The following LRP1B variants were observed in gnomAD, a reference collection of about 807,000 sequenced individuals.
LRP1B encodes low-density lipoprotein receptor-related protein 1B.
In LRP1B, 217 loss-of-function variants were observed where a neutral mutation model predicts 556.6. The ratio of observed to expected loss-of-function variants is 0.39; its 90% confidence interval spans 0.35 to 0.44. The LOEUF is 0.44. Among genes scored for constraint, LRP1B ranks in the 20% least tolerant of loss-of-function variants. The pLI, the probability that LRP1B is intolerant of heterozygous loss-of-function variation, is 1.00. For missense variants in LRP1B, 5,053 were observed against 5,620.8 expected (o/e 0.90, Z 3.23); for synonymous variants, 2,047 against 1,865.8 (o/e 1.10, Z -2.50).
chr2:140,629,586 A>G (rs1683805229), intron 41 of LRP1B, among the ~76,000 whole-genome samples: 2 of 152,234 alleles, frequency 1.3e-5, no homozygotes, highest in African/African-American at 2.4e-5. Flanking sequence ...TGGCAAATTC[A>G]TAAAATGGAA....
intron 62 of LRP1B, among the ~76,000 whole-genome samples, chr2:140,453,291 G>C (rs1202103893): frequency 6.6e-6 from 1 of 151,770 alleles, no homozygotes; most frequent in Non-Finnish European, 1.5e-5. Context: ...TTGAGTTAAG[G>C]GAGGCCAGGG....
chr2:140,767,835 T>C (rs1345067866), intron 35 of LRP1B, among the ~76,000 whole-genome samples: 1 of 151,886 alleles, frequency 6.6e-6, no homozygotes, highest in Non-Finnish European at 1.5e-5. Flanking sequence ...CAAAGGACTA[T>C]GTACCTAGTA....
At chr2:141,392,359 C>A (rs1390775732) in intron 3 of LRP1B, among the ~76,000 whole-genome samples, 1 of 149,862 alleles carries the variant, frequency 6.7e-6, no homozygotes, top group Non-Finnish European at 1.5e-5. Context: ...TTGTTGGAAC[C>A]CATGGAACAG....
intron 66 of LRP1B, among the ~76,000 whole-genome samples, chr2:140,393,519 G>T (rs1311325602): frequency 6.6e-6 from 1 of 151,518 alleles, no homozygotes; most frequent in Non-Finnish European, 1.5e-5. Context: ...TGTAATTTGG[G>T]GATTAAGAGA....
Position 140,503,025 on chromosome 2 carries a change from C to T in LRP1B, c.8600G>A (p.Gly2867Glu), listed in dbSNP as rs1320256554. Residue 2867 changes from glycine (G) to glutamate (E), a missense_variant, in exon 54 of 91, where the codon GGA (glycine) becomes GAA (glutamate). Physicochemically the swap from Gly to Glu is moderately conservative, Grantham distance 98. Transcript: ENST00000389484. ...CLLNTQWQCD[G>E]DFDCPDHSDE... ...AGAATGGTCAGGACAGTCAAAGTCT[C>T]CATCACACTGCCATTGAGTATTTAG... is the stretch of plus-strand genomic sequence containing the variant. 1 of 1,613,360 alleles carries T rather than the reference C, an allele frequency of 6.2e-7. No individual in the cohort carries two copies. The highest frequency in any genetic ancestry group is 8.5e-7 in the Non-Finnish European group (1 of 1,179,426).
chr2:141,646,184 T>C (rs1453564246), intron 2 of LRP1B, among the ~76,000 whole-genome samples: 4 of 152,156 alleles, frequency 2.6e-5, no homozygotes, highest in Non-Finnish European at 5.9e-5. Context: ...AACAGTTACA[T>C]CTTAGCTTTT....
Position 140,716,075 on chromosome 2 carries a change from A to G in LRP1B, c.5921T>C (p.Phe1974Ser), listed in dbSNP as rs143296180. Residue 1974 changes from phenylalanine to serine, a missense_variant, in exon 37 of 91, where the codon TTC (phenylalanine) becomes TCC (serine). By Grantham distance (155) the Phe-to-Ser change is radical. Around this residue, in one of 5 missense-constraint regions of LRP1B, gnomAD observed 3,619 missense variants for 3,931.9 expected, o/e 0.92. Transcript: ENST00000389484. ...AGNIYWTDHGFNLIEVARLNG... is the reference protein window; with the variant it reads ...AGNIYWTDHGSNLIEVARLNG... Reference sequence around the variant, plus strand: ...GAGTCTTGCAACTTCAATTAAGTTGAAACCATGATCTGTCCAATATATGTT... The same window carrying G: ...GAGTCTTGCAACTTCAATTAAGTTGGAACCATGATCTGTCCAATATATGTT... 144 of 1,606,150 alleles carry G rather than the reference A, an allele frequency of 9.0e-5. 1 individual carries two copies. Among genetic ancestry groups the G allele is most frequent in the South Asian group, 5.6e-4 (51 of 90,768 alleles).
chr2:141,193,347 C>T (rs776621146), intron 6 of LRP1B, among the ~76,000 whole-genome samples: 3 of 151,914 alleles, frequency 2.0e-5, no homozygotes, highest in Non-Finnish European at 2.9e-5. Context: ...AACCTAAATG[C>T]TCATCGTGAC....
At chr2:140,284,687 G>A (rs1335735934) in intron 84 of LRP1B, among the ~76,000 whole-genome samples, 3 of 149,364 alleles carry the variant, frequency 2.0e-5, no homozygotes, top group Admixed American at 6.8e-5. Context: ...TATAGTTGAA[G>A]CAACGATTTC....
chr2:141,124,813 A>C (rs1281641413), intron 7 of LRP1B, among the ~76,000 whole-genome samples: 2 of 152,110 alleles, frequency 1.3e-5, no homozygotes, highest in African/African-American at 4.8e-5. Context: ...GAAAAGACTC[A>C]GTTCTTTTTT....
At chr2:141,274,890 A>G (rs527992318) in intron 3 of LRP1B, among the ~76,000 whole-genome samples, 47 of 152,328 alleles carry the variant, frequency 3.1e-4, no homozygotes, top group East Asian at 7.7e-4. Context: ...AGTTAAGAGA[A>G]CAGAATAAAG....
chr2:140,361,380 A>ATAC (rs1553454115), intron 72 of LRP1B, among the ~76,000 whole-genome samples: 5 of 128,802 alleles, frequency 3.9e-5, no homozygotes, highest in African/African-American at 1.4e-4. Context: ...ATATATATAT[A>ATAC]ACAAAAATAA....
intron 79 of LRP1B, among the ~76,000 whole-genome samples, chr2:140,329,319 C>A (rs1470684620): frequency 6.6e-6 from 1 of 152,042 alleles, no homozygotes; most frequent in African/African-American, 2.4e-5. Flanking sequence ...GGAAACATTT[C>A]CCTTGAAAAC....
intron 41 of LRP1B, among the ~76,000 whole-genome samples, chr2:140,691,278 C>A (rs1286466994): frequency 2.0e-5 from 3 of 151,980 alleles, no homozygotes; most frequent in African/African-American, 7.3e-5. Flanking sequence ...TCAAGACCAG[C>A]CTGACCAACA....
chr2:140,275,616 T>A (rs1175310220), intron 84 of LRP1B, among the ~76,000 whole-genome samples: 1 of 151,846 alleles, frequency 6.6e-6, no homozygotes, highest in East Asian at 1.9e-4. Context: ...AAACAACGAG[T>A]TATGCCTCTC....
intron 1 of LRP1B, among the ~76,000 whole-genome samples, chr2:142,086,995 T>C (rs1434164153): frequency 2.0e-5 from 3 of 152,216 alleles, no homozygotes; most frequent in Non-Finnish European, 4.4e-5. Context: ...CCTTCTGTGA[T>C]TTTTCACATT....
At chr2:140,984,109 A>T (rs1696850447) in intron 17 of LRP1B, among the ~76,000 whole-genome samples, 1 of 151,866 alleles carries the variant, frequency 6.6e-6, no homozygotes, top group Admixed American at 6.6e-5. Context: ...ACAAAATCTA[A>T]TGTCATTAGT....
intron 41 of LRP1B, among the ~76,000 whole-genome samples, chr2:140,630,074 T>C (rs1401537052): frequency 6.6e-6 from 1 of 152,188 alleles, no homozygotes; most frequent in Non-Finnish European, 1.5e-5. Flanking sequence ...AATAGTAGAA[T>C]GGTGGTTCTT....
intron 41 of LRP1B, among the ~76,000 whole-genome samples, chr2:140,677,463 A>T (rs6711672): frequency 6.6e-6 from 1 of 151,504 alleles, no homozygotes. Flanking sequence ...AGAGAGAGAG[A>T]AAAAAAACCA....
Sources: allele counts gnomAD v4.1 joint callset (sites outside exome capture counted in the v4.1 genomes callset), GRCh38; gene constraint gnomAD v4.1.1; regional missense constraint gnomAD v4.1.1; transcripts MANE v1.5; gene names NCBI Gene and HGNC (gene_info 2026-07-23, HGNC 2026-07-21).